The following VPS8 variants were observed in gnomAD, a reference collection of about 807,000 sequenced individuals.
VPS8 encodes vacuolar protein sorting-associated protein 8 homolog.
In VPS8, 129 loss-of-function variants were observed where a neutral mutation model predicts 216.4. That is an observed-to-expected ratio of 0.60 (90% CI 0.52 to 0.69). The LOEUF is 0.69. VPS8 is among the 30% of genes least tolerant of loss of function. The pLI, the probability that VPS8 is intolerant of heterozygous loss-of-function variation, is 0.00. For missense variants in VPS8, 1,531 were observed against 1,683.5 expected (o/e 0.91, Z 1.59); for synonymous variants, 571 against 565.4 (o/e 1.01, Z -0.14).
At position 185,008,304 on chromosome 3, in the gene VPS8, G is replaced by A. The variant is rs558081351; in HGVS notation, c.4002+8443G>A. On this transcript the variant is annotated intron_variant, in intron 45 of 47. Transcript: ENST00000625842. ...TTCATTACTTCAGCCAATATTTAATGTTAAGGGATTCATTACTTCAGCCAG... is the reference window on the plus strand; with the variant it reads ...TTCATTACTTCAGCCAATATTTAATATTAAGGGATTCATTACTTCAGCCAG... Among the ~76,000 whole-genome samples, 6 of 152,206 alleles carry A rather than the reference G, an allele frequency of 3.9e-5. No individual in the cohort carries two copies. The South Asian group carries it at 1.0e-3, about 26-fold the overall frequency.
At chr3:185,015,031 G>C (rs7374752) in intron 45 of VPS8, among the ~76,000 whole-genome samples, 13,460 of 152,216 alleles carry the variant, frequency 0.088, 635 homozygotes, top group African/African-American at 0.094. Context: ...ACATCCATTA[G>C]CCAAAGAGAA....
chr3:184,818,606 T>C (rs1277677524), intron 1 of VPS8, among the ~76,000 whole-genome samples: 1 of 151,760 alleles, frequency 6.6e-6, no homozygotes, highest in Non-Finnish European at 1.5e-5. Flanking sequence ...TATTTTTCCC[T>C]TTACAAAGCA....
intron 45 of VPS8, among the ~76,000 whole-genome samples, chr3:185,021,391 G>A (rs1331751651): frequency 6.6e-6 from 1 of 152,136 alleles, no homozygotes; most frequent in Admixed American, 6.5e-5. Context: ...TTAATCTCTA[G>A]AGAACAGGCT....
intron 45 of VPS8, among the ~76,000 whole-genome samples, chr3:185,008,159 A>T (rs1417098296): frequency 1.3e-5 from 2 of 152,188 alleles, no homozygotes; most frequent in Non-Finnish European, 2.9e-5. Flanking sequence ...AATTAAATGA[A>T]GATTAATATG....
intron 2 of VPS8, among the ~76,000 whole-genome samples, chr3:184,825,884 C>T (rs1425195340): frequency 6.7e-6 from 1 of 148,484 alleles, no homozygotes; most frequent in East Asian, 2.0e-4. Flanking sequence ...CTGGGCATCA[C>T]AGCAAGACTC....
intron 21 of VPS8, among the ~76,000 whole-genome samples, chr3:184,884,157 T>A (rs570183099): frequency 3.3e-5 from 5 of 152,234 alleles, no homozygotes; most frequent in African/African-American, 1.2e-4. Flanking sequence ...TGTGCCATGT[T>A]GGTGTGCTAC....
Position 184,894,806 on chromosome 3 carries a change from G to T in VPS8, c.1885G>T (p.Val629Leu), listed in dbSNP as rs1414970264. ...GCCATATATTTTAAGTGATAAATTG[G>T]TGGGAATCACACCCCAAGTAATGAA... ...LEPYILSDKL[V>L]GITPQVMKDL... is the part of the protein sequence containing the mutation. Residue 629 changes from valine (V) to leucine (L), a missense_variant, in exon 23 of 48, where the codon GTG (valine) becomes TTG (leucine). Around this residue, in one of 3 missense-constraint regions of VPS8, gnomAD observed 1,318 missense variants for 1,468.4 expected, o/e 0.90. Transcript: ENST00000625842. 6.2e-7 allele frequency: 1 copy of T among 1,610,542 alleles called. No homozygotes were observed. The highest frequency in any genetic ancestry group is 8.5e-7 in the Non-Finnish European group (1 of 1,178,252).
At chr3:184,911,462 G>A (rs1010423568) in intron 25 of VPS8, among the ~76,000 whole-genome samples, 8 of 152,196 alleles carry the variant, frequency 5.3e-5, no homozygotes. Flanking sequence ...CACACTAGGA[G>A]AAACATACAC....
chr3:184,944,300 G>A (rs1248633585), intron 36 of VPS8, among the ~76,000 whole-genome samples: 2 of 152,092 alleles, frequency 1.3e-5, no homozygotes, highest in African/African-American at 2.4e-5. Context: ...GGGGGAGAGG[G>A]GATTAATCCT....
intron 7 of VPS8, among the ~76,000 whole-genome samples, chr3:184,842,754 A>T (rs1165581830): frequency 6.6e-6 from 1 of 152,202 alleles, no homozygotes; most frequent in South Asian, 2.1e-4. Flanking sequence ...GGCCCAGGTC[A>T]TTAAGAAAGA....
chr3:184,824,818 T>TAA (rs1718371069), intron 2 of VPS8, 33 bp downstream of exon 2: 1 of 1,565,810 alleles, frequency 6.4e-7, no homozygotes, highest in Admixed American at 1.9e-5. Context: ...AGTGATAATG[T>TAA]TTAACCAGTG....
At chr3:185,035,995 A>G (rs988568044) in intron 46 of VPS8, among the ~76,000 whole-genome samples, 4 of 152,206 alleles carry the variant, frequency 2.6e-5, no homozygotes, top group African/African-American at 9.6e-5. Flanking sequence ...TCAAGAACAG[A>G]TCCTCACTTT....
At chr3:184,930,726 T>C (rs768623303) in intron 34 of VPS8, among the ~76,000 whole-genome samples, 158 bp downstream of exon 34, 18 of 152,214 alleles carry the variant, frequency 1.2e-4, no homozygotes, top group Non-Finnish European at 2.2e-4. Flanking sequence ...TTTGTATTCA[T>C]AAAGTCTGTG....
chr3:184,812,660 A>G (rs1010223885), intron 1 of VPS8: 1 of 152,178 alleles, frequency 6.6e-6, no homozygotes, highest in African/African-American at 2.4e-5. Context: ...CTTTGCGACT[A>G]TAATTGCAAG....
intron 19 of VPS8, 68 bp from the exon 20 acceptor site, chr3:184,869,414 A>G: frequency 6.7e-7 from 1 of 1,490,548 alleles, no homozygotes; most frequent in South Asian, 1.2e-5. Flanking sequence ...ATATGAAACC[A>G]GACATAGTTT....
intron 46 of VPS8, among the ~76,000 whole-genome samples, chr3:185,030,146 G>A (rs1757915757): frequency 6.6e-6 from 1 of 152,120 alleles, no homozygotes. Flanking sequence ...AACTCCCCAG[G>A]ATAGATCCAA....
At position 185,024,338 on chromosome 3, in the gene VPS8, A is replaced by G; in HGVS notation, c.4005A>G (p.Val1335=). 1 of 1,590,008 alleles carries G rather than the reference A, an allele frequency of 6.3e-7. No individual in the cohort carries two copies. Among genetic ancestry groups the G allele is most frequent in the Non-Finnish European group, 8.6e-7 (1 of 1,166,968 alleles). Residue 1335 remains valine (V), a splice_region_variant and synonymous_variant, in exon 46 of 48, where the codon GTA becomes GTG. Transcript: ENST00000625842. ...IKKGRITPSQ[V]KMSPSYHQSK... ...AAATGTTTGCCTTTTTTTTCCAGGT[A>G]AAAATGTCTCCATCGTATCATCAGT...
At chr3:184,862,838 A>T in intron 15 of VPS8, 59 bp from the exon 16 acceptor site, 1 of 1,543,778 alleles carries the variant, frequency 6.5e-7, no homozygotes, top group Non-Finnish European at 8.8e-7. Context: ...TTTCTTCTTG[A>T]CCCAAATGAT....
At chr3:184,817,201 C>A (rs1716515099) in intron 1 of VPS8, 1 of 142,296 alleles carries the variant, frequency 7.0e-6, no homozygotes, top group South Asian at 2.4e-4. Flanking sequence ...GTGACCAGAA[C>A]TGCTATTTGA....
Sources: gnomAD v4.1 joint callset for allele counts (sites outside exome capture counted in the v4.1 genomes callset) on GRCh38, gnomAD v4.1.1 for gene constraint, gnomAD v4.1.1 regional missense constraint, MANE v1.5 for transcripts, NCBI Gene and HGNC (gene_info 2026-07-23, HGNC 2026-07-21) for gene names.